The following C20orf173 variants were observed in gnomAD, a reference collection of about 807,000 sequenced individuals.
C20orf173 encodes chromosome 20 open reading frame 173, also known as uncharacterized protein C20orf173.
A neutral mutation model predicts 26.7 loss-of-function variants in C20orf173; 22 were observed. The observed-to-expected ratio is 0.82, with a 90% confidence interval of 0.59 to 1.18. The LOEUF (loss-of-function observed/expected upper bound fraction) is 1.18. Ranked by LOEUF, C20orf173 falls within the 50% of genes most tolerant of loss-of-function variation. The pLI is 0.00. For synonymous variants in C20orf173, 85 were observed against 96.4 expected, an observed-to-expected ratio of 0.88 and a Z score of 0.69; for missense variants, 210 against 250.3, an observed-to-expected ratio of 0.84 and a Z score of 1.09.
At chr20:35,521,042 T>A (rs2064471981), downstream of C20orf173, 1 of 152,524 alleles carries the variant, frequency 6.6e-6, no homozygotes, top group Non-Finnish European at 1.5e-5. Flanking sequence ...TGATCTGGTA[T>A]TCTGCTGGGA....
downstream of C20orf173, among the ~76,000 whole-genome samples, chr20:35,525,321 G>T (rs2064497019): frequency 6.6e-6 from 1 of 152,018 alleles, no homozygotes; most frequent in South Asian, 2.1e-4. Context: ...GGAGGCCAAG[G>T]CAGGCAGGTC....
At chr20:35,521,115 T>C (rs1339777022), downstream of C20orf173, 1 of 152,680 alleles carries the variant, frequency 6.5e-6, no homozygotes, top group Non-Finnish European at 1.5e-5. Context: ...CCTTTTGCAA[T>C]TGTCTTCCCC....
chr20:35,527,421 CA>C (rs1568861345), intron 5 of C20orf173, among the ~76,000 whole-genome samples, 171 bp from the exon 6 acceptor site: 2 of 151,796 alleles, frequency 1.3e-5, no homozygotes, highest in Non-Finnish European at 2.9e-5. Flanking sequence ...CTGAGGATCC[CA>C]AAAAAGAGAA....
downstream of C20orf173, among the ~76,000 whole-genome samples, chr20:35,524,601 T>C (rs1225263559): frequency 6.6e-6 from 1 of 152,136 alleles, no homozygotes; most frequent in Non-Finnish European, 1.5e-5. Flanking sequence ...ATTCTAAAAG[T>C]CAACAATCTA....
chr20:35,528,291 A>G lies in C20orf173; in HGVS notation c.583-7T>C, dbSNP rs2147288502. ...CCAGACCATCTTCCAAAATCTGAGA[A>G]AGAATTGGAGGTGGGGGAGTTTGGG... On this transcript the variant is annotated splice_polypyrimidine_tract_variant and splice_region_variant and intron_variant, in intron 4 of 5. Transcript: ENST00000444723. 6.4e-7 allele frequency: 1 copy of G among 1,552,004 alleles called. No individual in the cohort carries two copies. The highest frequency in any genetic ancestry group is 1.2e-5 in the South Asian group (1 of 84,066).
At chr20:35,522,529 G>A (rs908865295), downstream of C20orf173, 3 of 152,684 alleles carry the variant, frequency 2.0e-5, no homozygotes, top group Admixed American at 6.5e-5. Flanking sequence ...GGTACATAAC[G>A]CGCATGGTGG....
downstream of C20orf173, among the ~76,000 whole-genome samples, chr20:35,526,374 C>T (rs2064502119): frequency 6.6e-6 from 1 of 152,124 alleles, no homozygotes; most frequent in Admixed American, 6.5e-5. Context: ...ACCTGTAATC[C>T]CAGCACTTTG....
rs967299841 is a variant in C20orf173, at chr20:35,529,126, G to A, written c.248C>T (p.Thr83Ile). 1.3e-6 allele frequency: 2 copies of A among 1,551,614 alleles called. No homozygotes were observed. Among genetic ancestry groups the A allele is most frequent in the Non-Finnish European group, 1.7e-6 (2 of 1,147,014 alleles). Reference sequence around the variant, plus strand: ...TCTTGTCCTCATCAGGTACCCCATAGTCTTCCTGGAGCACGCATCAAGCCA... The same window carrying A: ...TCTTGTCCTCATCAGGTACCCCATAATCTTCCTGGAGCACGCATCAAGCCA... ...WNWLDACSRK[T>I]MGYLMRTRES... The change falls in exon 2 of 6, where the codon ACT (threonine) becomes ATT (isoleucine). Residue 83 changes from threonine to isoleucine, a missense_variant. Physicochemically the swap from Thr to Ile is moderately conservative, Grantham distance 89 (BLOSUM62 -1). Transcript: ENST00000444723.
chr20:35,528,945 A>G lies in C20orf173; in HGVS notation c.310-66T>C, dbSNP rs138365122. The G allele has an allele frequency of 1.6e-4, 253 of 1,542,486 alleles. 1 individual carries two copies. The African/African-American group carries it at 3.1e-3, about 19-fold the overall frequency. On this transcript the variant is annotated intron_variant, in intron 2 of 5. Coordinates refer to ENST00000444723, the MANE Select transcript of C20orf173 (RefSeq NM_001145350.2). Reference sequence around the variant, plus strand: ...GAGAGAAAACAGAGCTGGGTGGGTGAGATCTCCATCCAGAGGCTGTGAAGA... The same window carrying G: ...GAGAGAAAACAGAGCTGGGTGGGTGGGATCTCCATCCAGAGGCTGTGAAGA...
chr20:35,528,336 C>T, intron 4 of C20orf173, 52 bp from the exon 5 acceptor site: 1 of 1,550,974 alleles, frequency 6.4e-7, no homozygotes, highest in Non-Finnish European at 8.7e-7. Flanking sequence ...CTGGGAAAGT[C>T]CTGCAAGTGT....
chr20:35,524,880 G>A (rs1022921976), downstream of C20orf173, among the ~76,000 whole-genome samples: 5 of 151,710 alleles, frequency 3.3e-5, no homozygotes, highest in Non-Finnish European at 5.9e-5. Context: ...TGTATTTTTA[G>A]TAGAGACGGG....
At chr20:35,524,533 G>C (rs2064492413), downstream of C20orf173, among the ~76,000 whole-genome samples, 1 of 152,022 alleles carries the variant, frequency 6.6e-6, no homozygotes, top group South Asian at 2.1e-4. Flanking sequence ...ACTTGCATTT[G>C]CCGCATTTCA....
rs1252371827 is a variant in C20orf173, at chr20:35,528,788, C to T, written c.401G>A (p.Cys134Tyr). 2.6e-6 allele frequency: 4 copies of T among 1,550,988 alleles called. No homozygotes were observed. In the Admixed American group the frequency reaches 7.9e-5, roughly 31 times the overall value. ...RLSVSHFDFY[C>Y]GTCVLLGRPQ... is the part of the protein sequence containing the mutation. ...GCGCCCCAACAGCACACAAGTCCCA[C>T]AATAGAAATCAAAATGGCTCACCGA... Residue 134 changes from cysteine to tyrosine, a missense_variant, in exon 3 of 6, where the codon TGT (cysteine) becomes TAT (tyrosine). Cys to Tyr is a radical substitution (Grantham distance 194). Transcript: ENST00000444723.
downstream of C20orf173, among the ~76,000 whole-genome samples, chr20:35,526,628 CA>C (rs1286748298): frequency 0.23 from 12,268 of 53,508 alleles, 506 homozygotes; most frequent in Middle Eastern, 0.39. Flanking sequence ...ACTCTTGTCT[CA>C]AAAAAAAAAA....
At chr20:35,521,091 C>A (rs1215446190), downstream of C20orf173, 1 of 152,662 alleles carries the variant, frequency 6.6e-6, no homozygotes, top group Non-Finnish European at 1.5e-5. Context: ...TTTGTCATCC[C>A]AGTAATGGGA....
intron 2 of C20orf173, 44 bp from the exon 3 acceptor site, chr20:35,528,923 A>G: frequency 6.5e-7 from 1 of 1,549,686 alleles, no homozygotes; most frequent in Non-Finnish European, 8.7e-7. Flanking sequence ...CCCAGGGGAG[A>G]GAAAACAGAG....
chr20:35,529,618 G>T lies in C20orf173; in HGVS notation c.-111C>A. On this transcript the variant is annotated 5_prime_UTR_variant, in exon 1 of 6. Coordinates refer to ENST00000444723, the MANE Select transcript of C20orf173 (RefSeq NM_001145350.2). ...AGAGGCCAGGGCAGAGAGACAGCAT[G>T]TGGCTAGTCCTGAGAGGGGAAGGAA... 1.8e-6 allele frequency: 1 copy of T among 541,752 alleles called. No homozygotes were observed. Among genetic ancestry groups the T allele is most frequent in the Non-Finnish European group, 3.3e-6 (1 of 302,182 alleles). The allele number at this position is 541,752 out of a possible 1,614,324, so 33.6% of individuals were successfully genotyped here.
intron 4 of C20orf173, 26 bp downstream of exon 4, chr20:35,528,425 A>T (rs1568861809): frequency 6.5e-7 from 1 of 1,546,770 alleles, no homozygotes; most frequent in African/African-American, 1.4e-5. Flanking sequence ...CCCCACACAG[A>T]GAATGTCTGG....
At chr20:35,524,899 A>G (rs1282159506), downstream of C20orf173, among the ~76,000 whole-genome samples, 1 of 151,930 alleles carries the variant, frequency 6.6e-6, no homozygotes, top group East Asian at 1.9e-4. Flanking sequence ...GGGTTTCATC[A>G]TATCAGTCAG....
Sources: allele counts gnomAD v4.1 joint callset (sites outside exome capture counted in the v4.1 genomes callset), GRCh38; gene constraint gnomAD v4.1.1; transcripts MANE v1.5; gene names NCBI Gene and HGNC (gene_info 2026-07-23, HGNC 2026-07-21).